TBC1D5: variants seen among roughly 807,000 people sequenced by gnomAD.
TBC1D5 encodes the protein TBC1 domain family member 5.
In TBC1D5, 75 loss-of-function variants were observed where a neutral mutation model predicts 100.3. That is an observed-to-expected ratio of 0.75 (90% CI 0.62 to 0.91). The LOEUF (loss-of-function observed/expected upper bound fraction) is 0.91. Among genes scored for constraint, TBC1D5 ranks in the 40% least tolerant of loss-of-function variants. The pLI, the probability that TBC1D5 is intolerant of heterozygous loss-of-function variation, is 0.00. For missense variants in TBC1D5, 910 were observed against 942.4 expected (o/e 0.97, Z 0.45); for synonymous variants, 323 against 325.6 (o/e 0.99, Z 0.09).
intron 17 of TBC1D5, among the ~76,000 whole-genome samples, chr3:17,226,732 A>AG (rs1298821292): frequency 1.3e-5 from 2 of 152,226 alleles, no homozygotes; most frequent in Middle Eastern, 3.4e-3. Flanking sequence ...TTCACTCCCC[A>AG]GGTACTGATC....
At chr3:17,346,530 G>A (rs980283966) in intron 13 of TBC1D5, among the ~76,000 whole-genome samples, 1 of 151,922 alleles carries the variant, frequency 6.6e-6, no homozygotes, top group Non-Finnish European at 1.5e-5. Flanking sequence ...TTTTCCTAAT[G>A]TACTGTCCTT....
At chr3:17,300,869 C>T (rs763791140) in intron 14 of TBC1D5, among the ~76,000 whole-genome samples, 13 of 151,996 alleles carry the variant, frequency 8.6e-5, no homozygotes, top group African/African-American at 2.2e-4. Flanking sequence ...GTCAGGAGTT[C>T]GAGACAAGCC....
At chr3:17,527,693 A>G (rs1439944540) in intron 2 of TBC1D5, among the ~76,000 whole-genome samples, 3 of 152,140 alleles carry the variant, frequency 2.0e-5, no homozygotes, top group Non-Finnish European at 4.4e-5. Context: ...AAAAGCAACC[A>G]CCACAGAAAC....
At chr3:17,497,087 GACACACACACACACACAC>G (rs71049202) in intron 3 of TBC1D5, among the ~76,000 whole-genome samples, 17 of 128,990 alleles carry the variant, frequency 1.3e-4, no homozygotes, top group East Asian at 5.0e-4. Context: ...CTCTCTCTCT[GACACACACACACACACAC>G]ACACACACAC....
At position 17,690,353 on chromosome 3, in the gene TBC1D5, A is replaced by C; in HGVS notation, c.-101+48990T>G. On this transcript the variant is annotated intron_variant, in intron 1 of 21. Transcript: ENST00000253692. ...CGCCTCAGCCTCCCAAGTAGCTGGG[A>C]CTACAGGCGCCCGCCACTACGCCCG... 2.4e-5 allele frequency among the ~76,000 whole-genome samples: 2 copies of C among 81,890 alleles called. 1 individual carries two copies. The highest frequency in any genetic ancestry group is 4.9e-5 in the Non-Finnish European group (2 of 40,724). The allele number at this position is 81,890 out of a possible 152,430, so 53.7% of individuals were successfully genotyped here.
chr3:17,572,475 TAA>T (rs747825350), intron 2 of TBC1D5, among the ~76,000 whole-genome samples: 7 of 151,974 alleles, frequency 4.6e-5, no homozygotes, highest in Non-Finnish European at 1.0e-4. Context: ...CACCAATATA[TAA>T]ACACTTTGAC....
chr3:17,373,064 T>C (rs1269559769), intron 12 of TBC1D5, among the ~76,000 whole-genome samples: 1 of 152,194 alleles, frequency 6.6e-6, no homozygotes, highest in Non-Finnish European at 1.5e-5. Flanking sequence ...TTTAAGGGCA[T>C]GGAAACTTAA....
chr3:17,478,785 A>G (rs1026425200), intron 3 of TBC1D5, among the ~76,000 whole-genome samples: 1 of 152,186 alleles, frequency 6.6e-6, no homozygotes, highest in Non-Finnish European at 1.5e-5. Flanking sequence ...TGACATCACC[A>G]TGTAAACAAG....
At chr3:17,731,470 C>G (rs1474298840) in intron 1 of TBC1D5, among the ~76,000 whole-genome samples, 1 of 141,446 alleles carries the variant, frequency 7.1e-6, no homozygotes, top group East Asian at 2.1e-4. Context: ...CGTGCCACTG[C>G]ACTCCAGCCC....
At chr3:17,424,282 T>C (rs1003664558) in intron 4 of TBC1D5, among the ~76,000 whole-genome samples, 19 of 152,312 alleles carry the variant, frequency 1.2e-4, no homozygotes, top group Admixed American at 9.8e-4. Flanking sequence ...TCTGTAGTCA[T>C]ATGTGCTGGC....
intron 8 of TBC1D5, among the ~76,000 whole-genome samples, chr3:17,395,035 A>C (rs956302157): frequency 1.3e-5 from 2 of 152,102 alleles, no homozygotes; most frequent in African/African-American, 4.8e-5. Flanking sequence ...AGAGGCTAAT[A>C]AGGAAGGTGG....
chr3:17,220,283 G>A (rs549683511), intron 17 of TBC1D5, among the ~76,000 whole-genome samples: 2 of 152,224 alleles, frequency 1.3e-5, no homozygotes, highest in South Asian at 4.1e-4. Flanking sequence ...AATTTCTGAA[G>A]GCCTACCATC....
chr3:17,282,250 G>A (rs2080690820), intron 15 of TBC1D5, among the ~76,000 whole-genome samples: 1 of 152,166 alleles, frequency 6.6e-6, no homozygotes, highest in Non-Finnish European at 1.5e-5. Context: ...CTTGACCTCA[G>A]GGATATAACA....
At chr3:17,604,514 G>C (rs908666810) in intron 2 of TBC1D5, among the ~76,000 whole-genome samples, 4 of 152,130 alleles carry the variant, frequency 2.6e-5, no homozygotes, top group African/African-American at 9.7e-5. Context: ...CTTTTTGAAA[G>C]CCTAACTTCC....
intron 1 of TBC1D5, among the ~76,000 whole-genome samples, chr3:17,679,255 T>A (rs2069120612): frequency 1.3e-5 from 2 of 151,120 alleles, no homozygotes. Context: ...GACCACACCC[T>A]CCTAAAACAG....
chr3:17,652,670 G>A (rs142939870), intron 1 of TBC1D5, among the ~76,000 whole-genome samples: 1 of 152,078 alleles, frequency 6.6e-6, no homozygotes, highest in Non-Finnish European at 1.5e-5. Flanking sequence ...ATACCTTCAG[G>A]TTTTAAAACA....
chr3:17,713,069 C>G (rs1245921663), intron 1 of TBC1D5, among the ~76,000 whole-genome samples: 4 of 152,102 alleles, frequency 2.6e-5, no homozygotes, highest in Non-Finnish European at 5.9e-5. Context: ...CTGACGAGGT[C>G]GTCTCCTGGT....
At chr3:17,692,661 A>AT in intron 1 of TBC1D5, among the ~76,000 whole-genome samples, 1 of 152,352 alleles carries the variant, frequency 6.6e-6, no homozygotes, top group Non-Finnish European at 1.5e-5. Context: ...TTTAAAAATT[A>AT]TATGCTTATT....
chr3:17,213,003 TTCAC>T (rs1185130359), intron 18 of TBC1D5, among the ~76,000 whole-genome samples: 3 of 152,186 alleles, frequency 2.0e-5, no homozygotes, highest in African/African-American at 7.2e-5. Flanking sequence ...GACCTTCACA[TTCAC>T]TCACTGCTCA....
Sources: gnomAD v4.1 joint callset for allele counts (sites outside exome capture counted in the v4.1 genomes callset) on GRCh38, gnomAD v4.1.1 for gene constraint, MANE v1.5 for transcripts, NCBI Gene and HGNC (gene_info 2026-07-23, HGNC 2026-07-21) for gene names.